The following PACS1 variants were observed in gnomAD, a reference collection of about 807,000 sequenced individuals.
The protein encoded by PACS1 is phosphofurin acidic cluster sorting protein 1, also known as PACS-1.
In PACS1, 24 loss-of-function variants were observed where a neutral mutation model predicts 115.0. The ratio of observed to expected loss-of-function variants is 0.21; its 90% CI spans 0.15 to 0.29. The LOEUF (loss-of-function observed/expected upper bound fraction) is 0.29. Ranked by LOEUF, PACS1 falls within the 10% of genes least tolerant of loss-of-function variation. The pLI, the probability that PACS1 is intolerant of heterozygous loss-of-function variation, is 1.00. For missense variants in PACS1, 838 were observed against 1,251.2 expected (o/e 0.67, Z 4.98); for synonymous variants, 453 against 504.5 (o/e 0.90, Z 1.37).
At chr11:66,230,769 G>A in intron 12 of PACS1, 36 bp from the exon 13 acceptor site, 1 of 1,613,836 alleles carries the variant, frequency 6.2e-7, no homozygotes, top group Non-Finnish European at 8.5e-7. Context: ...GGGTTGGAGG[G>A]GCTATTTCAC....
chr11:66,081,281 G>C lies in PACS1; in HGVS notation c.356+10439G>C, dbSNP rs113856563. On this transcript the variant is annotated intron_variant, in intron 1 of 23. Coordinates refer to ENST00000320580, the MANE Select transcript of PACS1 (RefSeq NM_018026.4). ...AGAAAAGAAAAGTCCCTGTCTCACA[G>C]GATTATCATCAGAATTAAATAAGGT... is the stretch of plus-strand genomic sequence containing the variant. Among the ~76,000 whole-genome samples, 224 of 152,158 alleles carry C rather than the reference G, an allele frequency of 1.5e-3. 2 individuals are homozygous for C. The highest frequency in any genetic ancestry group is 5.2e-3 in the African/African-American group (217 of 41,532).
chr11:66,234,278 C>CCG (rs1855662763), intron 17 of PACS1, 36 bp downstream of exon 17: 1 of 1,450,460 alleles, frequency 6.9e-7, no homozygotes, highest in African/African-American at 1.4e-5. Flanking sequence ...CTCCCACCCC[C>CCG]GGGGTCCACA....
chr11:66,241,073 G>A (rs1031322557), intron 21 of PACS1: 13 of 161,680 alleles, frequency 8.0e-5, no homozygotes, highest in East Asian at 1.8e-4. Context: ...CCTGCTGGGC[G>A]TGTATGTGTG....
intron 1 of PACS1, among the ~76,000 whole-genome samples, chr11:66,083,812 C>G (rs1857524534): frequency 6.6e-6 from 1 of 152,218 alleles, no homozygotes; most frequent in African/African-American, 2.4e-5. Flanking sequence ...TTGCTATAGT[C>G]TCTTTAAAAC....
chr11:66,242,827 GGAA>G, intron 22 of PACS1, 82 bp from the exon 23 acceptor site: 1 of 1,582,958 alleles, frequency 6.3e-7, no homozygotes, highest in Non-Finnish European at 8.6e-7. Flanking sequence ...CCTCGCCACA[GGAA>G]GAAGGGGACA....
chr11:66,197,275 A>G (rs914230903), intron 2 of PACS1, among the ~76,000 whole-genome samples: 1 of 152,184 alleles, frequency 6.6e-6, no homozygotes, highest in Non-Finnish European at 1.5e-5. Context: ...ATTTATCAAA[A>G]CTAAGAAATT....
intron 10 of PACS1, among the ~76,000 whole-genome samples, chr11:66,223,337 G>GC (rs1362751473): frequency 6.6e-5 from 10 of 151,244 alleles, no homozygotes; most frequent in African/African-American, 2.2e-4. Context: ...CAGGTGATCC[G>GC]CCCGCCTCAG....
chr11:66,213,710 T>C (rs1014998163), intron 4 of PACS1, among the ~76,000 whole-genome samples: 2 of 152,230 alleles, frequency 1.3e-5, no homozygotes, highest in Admixed American at 6.5e-5. Flanking sequence ...TCTTTCTCCA[T>C]GTTTCTAATT....
At chr11:66,239,383 C>G (rs1342395157) in intron 21 of PACS1, 106 bp downstream of exon 21, 14 of 1,332,718 alleles carry the variant, frequency 1.1e-5, no homozygotes, top group Admixed American at 2.4e-5. Context: ...GGAAGCCGGG[C>G]GTGGTAGTGC....
chr11:66,099,459 C>T (rs1001050224), intron 1 of PACS1, among the ~76,000 whole-genome samples: 2 of 152,050 alleles, frequency 1.3e-5, no homozygotes, highest in Admixed American at 1.3e-4. Flanking sequence ...CTCCTGACCT[C>T]GTGATCCACC....
rs2236652 is a variant in PACS1 at position 66,235,210 on chromosome 11, G to C, written c.2105-91G>C. The C allele has an allele frequency of 8.1e-6, 7 of 866,620 alleles. No homozygotes were observed. The Admixed American group carries it at 1.3e-4, about 16-fold the overall frequency. The allele number at this position is 866,620 out of a possible 1,614,324, so 53.7% of individuals were successfully genotyped here. On this transcript the variant is annotated intron_variant, in intron 17 of 23. Transcript: ENST00000320580. This position sits in a 1 kb window ranked among gnomAD's most constrained non-coding sequence, Gnocchi z 5.6. The stretch of plus-strand genomic sequence containing the variant: ...CTTCACTCAACTCCTAGAGTCTGAC[G>C]GGTCTCAGGAAGGGATCCCTCTCCG...
intron 17 of PACS1, among the ~76,000 whole-genome samples, chr11:66,234,492 C>A (rs1314279223): frequency 6.6e-6 from 1 of 152,250 alleles, no homozygotes; most frequent in Non-Finnish European, 1.5e-5. Context: ...AAGGGCCATG[C>A]TGGCATAGTG....
chr11:66,190,552 C>A (rs985858184), intron 1 of PACS1, among the ~76,000 whole-genome samples: 7 of 152,052 alleles, frequency 4.6e-5, no homozygotes, highest in Non-Finnish European at 2.9e-5. Flanking sequence ...CAGCCTCCCA[C>A]ATTTCTTTTT....
At chr11:66,243,052 G>C (rs773031013) in intron 23 of PACS1, 21 bp downstream of exon 23, 1 of 1,613,606 alleles carries the variant, frequency 6.2e-7, no homozygotes, top group East Asian at 2.2e-5. Context: ...AGGCAGGGCC[G>C]GGAGGAGGGC....
intron 7 of PACS1, chr11:66,217,765 A>C: frequency 2.7e-6 from 1 of 370,614 alleles, no homozygotes; most frequent in East Asian, 8.1e-5. Flanking sequence ...CAAATGCTTG[A>C]CCTCCATTGC....
chr11:66,218,174 T>C (rs1241617734), intron 7 of PACS1: 1 of 152,160 alleles, frequency 6.6e-6, no homozygotes, highest in African/African-American at 2.4e-5. Context: ...CGACTTTTTT[T>C]CTCTGCTGTG....
At chr11:66,181,754 C>T (rs1461652824) in intron 1 of PACS1, among the ~76,000 whole-genome samples, 1 of 151,922 alleles carries the variant, frequency 6.6e-6, no homozygotes, top group African/African-American at 2.4e-5. Context: ...CTTTTTTTCC[C>T]CACACACCCT....
chr11:66,161,299 A>G (rs1204684066), intron 1 of PACS1, among the ~76,000 whole-genome samples: 1 of 152,164 alleles, frequency 6.6e-6, no homozygotes, highest in Non-Finnish European at 1.5e-5. Flanking sequence ...GCACTAAAAA[A>G]AAATTAGCCG....
chr11:66,230,490 C>T lies in PACS1; in HGVS notation c.1375-58C>T, dbSNP rs956381137. The T allele has an allele frequency of 1.3e-5, 15 of 1,196,348 alleles. No homozygotes were observed. The Admixed American group carries it at 2.6e-4, about 20-fold the overall frequency. 74.1% of individuals were successfully genotyped at this position (1,196,348 alleles called of 1,614,324 possible). The stretch of plus-strand genomic sequence containing the variant: ...ATGGGGCCTGGCCAGTCCAAGGAGG[C>T]TCCTGGGTGGTCACTGAGTGGGAGG... On this transcript the variant is annotated intron_variant, in intron 11 of 23. Coordinates refer to ENST00000320580, the MANE Select transcript of PACS1 (RefSeq NM_018026.4).
Sources: gnomAD v4.1 joint callset for allele counts (sites outside exome capture counted in the v4.1 genomes callset) on GRCh38, gnomAD v4.1.1 for gene constraint, Gnocchi (gnomAD v3.1) non-coding constraint, MANE v1.5 for transcripts, NCBI Gene and HGNC (gene_info 2026-07-23, HGNC 2026-07-21) for gene names.